TMEM181: variants seen among roughly 807,000 people sequenced by gnomAD.
TMEM181 encodes transmembrane protein 181.
A neutral mutation model predicts 71.9 loss-of-function variants in TMEM181; 39 were observed. That is an observed-to-expected ratio of 0.54 (90% CI 0.42 to 0.71). The LOEUF (loss-of-function observed/expected upper bound fraction) is 0.71. Ranked by LOEUF, TMEM181 falls within the 30% of genes least tolerant of loss-of-function variation. The probability of loss-of-function intolerance (pLI) is 0.00; values close to 1 mark genes in which losing one functional copy is unlikely to be tolerated. For missense variants in TMEM181, 595 were observed against 583.0 expected (o/e 1.02, Z -0.21); for synonymous variants, 245 against 228.8 (o/e 1.07, Z -0.64).
At chr6:158,571,506 GCCAGGATGGTCTCAATCTCCTGA>G in intron 1 of TMEM181, among the ~76,000 whole-genome samples, 1 of 87,244 alleles carries the variant, frequency 1.1e-5, no homozygotes. Context: ...CATCGTGTTG[GCCAGGATGGTCTCAATCTCCTGA>G]CCTCGTGATC....
chr6:158,604,502 T>C (rs1784839585), intron 6 of TMEM181, among the ~76,000 whole-genome samples: 1 of 152,162 alleles, frequency 6.6e-6, no homozygotes, highest in Non-Finnish European at 1.5e-5. Context: ...ACCTGGCTCG[T>C]GCTTAGGTTG....
At position 158,629,709 on chromosome 6, in the gene TMEM181, TC is replaced by T. The variant is rs1481643413; in HGVS notation, c.1193-19del. The T allele has an allele frequency of 1.3e-6, 2 of 1,587,034 alleles. No homozygotes were observed. Among genetic ancestry groups the T allele is most frequent in the African/African-American group, 1.4e-5 (1 of 74,072 alleles). On this transcript the variant is annotated intron_variant, in intron 14 of 16. Coordinates refer to ENST00000684151, the MANE Select transcript of TMEM181 (RefSeq NM_001376852.1). ...TGACTGATGTGTCCAGATGCCGCGT[TC>T]CTTCCCTTGACAGCACCACCAGCCG...
At chr6:158,624,278 G>T (rs1786140685) in intron 11 of TMEM181, among the ~76,000 whole-genome samples, 1 of 152,230 alleles carries the variant, frequency 6.6e-6, no homozygotes, top group African/African-American at 2.4e-5. Context: ...AAACACGCTG[G>T]TCTAGTCCAG....
At chr6:158,631,774 G>A in intron 16 of TMEM181, 36 bp from the exon 17 acceptor site, 2 of 1,566,558 alleles carry the variant, frequency 1.3e-6, no homozygotes, top group Non-Finnish European at 1.7e-6. Context: ...AGAGCTGTCA[G>A]AAGTTAGACG....
intron 3 of TMEM181, among the ~76,000 whole-genome samples, chr6:158,583,566 C>T (rs1335821322): frequency 6.6e-6 from 1 of 152,138 alleles, no homozygotes; most frequent in East Asian, 1.9e-4. Context: ...TTTAGGAGGC[C>T]GAGGTGGGCG....
chr6:158,542,868 G>GTTTTT lies in TMEM181; in HGVS notation c.131+6024_131+6028dup, dbSNP rs61401561. Among the ~76,000 whole-genome samples the GTTTTT allele has an allele frequency of 9.0e-4, 66 of 73,502 alleles. 1 individual carries two copies. The highest frequency in any genetic ancestry group is 2.7e-3 in the African/African-American group (47 of 17,470). 48.2% of individuals were successfully genotyped at this position (73,502 alleles called of 152,430 possible). On this transcript the variant is annotated intron_variant, in intron 1 of 16. Transcript: ENST00000367090. ...TCTGCCTGCCTCGGCCTCCAGAGTGGTTTTTTTTTTTTTTTTTTTTTTTTT... is the reference window on the plus strand; with the variant it reads ...TCTGCCTGCCTCGGCCTCCAGAGTGGTTTTTTTTTTTTTTTTTTTTTTTTTTTTTT...
rs769635946 is a variant in TMEM181, at chr6:158,631,936, G to A, written c.*48G>A. On this transcript the variant is annotated 3_prime_UTR_variant, in exon 17 of 17. Coordinates refer to ENST00000684151, the MANE Select transcript of TMEM181 (RefSeq NM_001376852.1). Reference sequence around the variant, plus strand: ...GACAAGATGCCTGGATGCTTTCCCCGGTGACCGTCTGCTGACCTTCCCCTG... The same window carrying A: ...GACAAGATGCCTGGATGCTTTCCCCAGTGACCGTCTGCTGACCTTCCCCTG... 29 of 1,507,538 alleles carry A rather than the reference G, an allele frequency of 1.9e-5. No individual in the cohort carries two copies. Among genetic ancestry groups the A allele is most frequent in the Middle Eastern group, 3.4e-4 (2 of 5,860 alleles). 93.4% of individuals were successfully genotyped at this position (1,507,538 alleles called of 1,614,324 possible).
chr6:158,572,387 C>T (rs960131503), intron 1 of TMEM181: 8 of 456,536 alleles, frequency 1.8e-5, no homozygotes, highest in Non-Finnish European at 3.1e-5. Context: ...TCCCGCTGGT[C>T]TGGCTCCCAA....
chr6:158,626,984 A>C, intron 13 of TMEM181, among the ~76,000 whole-genome samples: 1 of 126,476 alleles, frequency 7.9e-6, no homozygotes, highest in Admixed American at 8.4e-5. Flanking sequence ...ATCATCACTC[A>C]CACACCCTCA....
chr6:158,574,116 TC>T (rs1272995843), intron 2 of TMEM181, among the ~76,000 whole-genome samples: 4 of 152,226 alleles, frequency 2.6e-5, no homozygotes, highest in Non-Finnish European at 5.9e-5. Context: ...GAGAATCTGT[TC>T]CTCCATTGCT....
chr6:158,551,659 A>G (rs1003991829), intron 1 of TMEM181, among the ~76,000 whole-genome samples: 4 of 152,230 alleles, frequency 2.6e-5, no homozygotes, highest in African/African-American at 7.2e-5. Context: ...CAAATTTTAC[A>G]TAATCTTTAA....
At position 158,573,465 on chromosome 6, in the gene TMEM181, C is replaced by G. The variant is rs548994373; in HGVS notation, c.54C>G (p.Val18=). The G allele has an allele frequency of 2.3e-4, 372 of 1,605,024 alleles. 2 individuals carry two copies. In the South Asian group the frequency reaches 3.8e-3, roughly 16 times the overall value. ...RLYTLSKRHF[V]LVFVVFFICF... ...ACACGCTCTCCAAGCGCCACTTTGT[C>G]CTCGTGTTTGTCGTCTTCTTCATCT... is the stretch of plus-strand genomic sequence containing the variant. The change falls in exon 2 of 17, where the codon GTC becomes GTG. Residue 18 remains valine, a synonymous_variant. Transcript: ENST00000684151.
intron 1 of TMEM181, chr6:158,536,898 G>T (rs1781129863): frequency 1.5e-6 from 2 of 1,311,698 alleles, no homozygotes; most frequent in Non-Finnish European, 1.9e-6. Context: ...CGGGGCGGCC[G>T]GAGGCTTCCG....
At chr6:158,580,169 A>G (rs1783393649) in intron 2 of TMEM181, among the ~76,000 whole-genome samples, 1 of 152,148 alleles carries the variant, frequency 6.6e-6, no homozygotes, top group South Asian at 2.1e-4. Context: ...TGTCTCTACT[A>G]AAAATAAAAA....
intron 1 of TMEM181, among the ~76,000 whole-genome samples, chr6:158,571,781 T>C (rs1215690854): frequency 2.0e-5 from 3 of 152,240 alleles, no homozygotes; most frequent in Non-Finnish European, 4.4e-5. Context: ...GAGCAACCTC[T>C]GTGCAGTGCA....
chr6:158,588,611 G>A lies in TMEM181; in HGVS notation c.382-1061G>A, dbSNP rs148979422. ...ATTACAGGCGCCTGCCACCACACCC[G>A]GCTGATTTTTGGTACTTTTAGTGGA... is the stretch of plus-strand genomic sequence containing the variant. On this transcript the variant is annotated intron_variant, in intron 5 of 16. Transcript: ENST00000684151. Among the ~76,000 whole-genome samples, 12 of 152,152 alleles carry A rather than the reference G, an allele frequency of 7.9e-5. No individual in the cohort carries two copies. The East Asian group carries it at 2.1e-3, about 27-fold the overall frequency.
chr6:158,547,547 C>G (rs893249305), intron 1 of TMEM181, among the ~76,000 whole-genome samples: 1 of 152,224 alleles, frequency 6.6e-6, no homozygotes, highest in East Asian at 1.9e-4. Context: ...ACCAGGCAGG[C>G]GCTCTTGGAA....
chr6:158,580,359 G>A (rs1783404074), intron 2 of TMEM181, among the ~76,000 whole-genome samples: 1 of 152,002 alleles, frequency 6.6e-6, no homozygotes, highest in Non-Finnish European at 1.5e-5. Flanking sequence ...TCTTGGATCT[G>A]TAGGAAAAAA....
At chr6:158,583,666 G>A (rs1783599941) in intron 3 of TMEM181, among the ~76,000 whole-genome samples, 1 of 152,106 alleles carries the variant, frequency 6.6e-6, no homozygotes, top group African/African-American at 2.4e-5. Context: ...TGGACGTGGT[G>A]GCGGGCGCCT....
Sources: gnomAD v4.1 joint callset for allele counts (sites outside exome capture counted in the v4.1 genomes callset) on GRCh38, gnomAD v4.1.1 for gene constraint, MANE v1.5 for transcripts, NCBI Gene and HGNC (gene_info 2026-07-23, HGNC 2026-07-21) for gene names.